The following AMPH variants were observed in gnomAD, a reference collection of about 807,000 sequenced individuals.
The protein encoded by AMPH is amphiphysin (Stiff-Mann syndrome with breast cancer 128kD autoantigen).
AMPH carries 49 observed loss-of-function variants against 99.1 expected under a neutral mutation model. That is an observed-to-expected ratio of 0.49 (90% CI 0.39 to 0.63). The LOEUF (loss-of-function observed/expected upper bound fraction) is 0.63. AMPH is among the 20% of genes least tolerant of loss of function. The pLI, the probability that AMPH is intolerant of heterozygous loss-of-function variation, is 0.00. For missense variants in AMPH, 759 were observed against 863.4 expected (o/e 0.88, Z 1.52); for synonymous variants, 314 against 317.3 (o/e 0.99, Z 0.11).
chr7:38,439,122 T>C (rs1227284774), intron 11 of AMPH, among the ~76,000 whole-genome samples: 1 of 152,208 alleles, frequency 6.6e-6, no homozygotes, highest in African/African-American at 2.4e-5. Flanking sequence ...CCTGCCACCA[T>C]TTAAGATGTG....
rs115666245 is a variant in AMPH, at chr7:38,452,802, C to T, written c.1017+8481G>A. Among the ~76,000 whole-genome samples, 862 of 152,282 alleles carry T rather than the reference C, an allele frequency of 5.7e-3. 11 individuals are homozygous for T. Among genetic ancestry groups the T allele is most frequent in the African/African-American group, 0.02 (813 of 41,564 alleles). On this transcript the variant is annotated intron_variant, in intron 11 of 20. Coordinates refer to ENST00000356264, the MANE Select transcript of AMPH (RefSeq NM_001635.4). ...ATTAGCAGCATTTTCCTCAGAAATG[C>T]AGATTCCTGACCTCATCCCAGACCT...
At chr7:38,391,697 A>C (rs758413817) in intron 19 of AMPH, 51 bp downstream of exon 19, 2 of 1,568,108 alleles carry the variant, frequency 1.3e-6, no homozygotes, top group South Asian at 1.2e-5. Context: ...GCTTGAGCAA[A>C]AGGGCCTTAA....
At chr7:38,625,613 A>G (rs1217229726) in intron 1 of AMPH, among the ~76,000 whole-genome samples, 1 of 152,250 alleles carries the variant, frequency 6.6e-6, no homozygotes, top group African/African-American at 2.4e-5. Flanking sequence ...CTAAACAGCA[A>G]CAGAAAAAAG....
At chr7:38,588,882 A>T (rs1792758154) in intron 1 of AMPH, among the ~76,000 whole-genome samples, 1 of 152,136 alleles carries the variant, frequency 6.6e-6, no homozygotes, top group African/African-American at 2.4e-5. Context: ...AATTAATTGA[A>T]TACTTAATGG....
chr7:38,427,668 A>C (rs1444131866), intron 14 of AMPH, among the ~76,000 whole-genome samples: 3 of 89,596 alleles, frequency 3.3e-5, no homozygotes, highest in African/African-American at 1.1e-4. Flanking sequence ...TTTTTTGGTC[A>C]ACCTATTTGT....
At position 38,432,190 on chromosome 7, in the gene AMPH, G is replaced by A. The variant is rs200697979; in HGVS notation, c.1157C>T (p.Thr386Met). Residue 386 changes from threonine (T) to methionine (M), a missense_variant and splice_region_variant, in exon 13 of 21, where the codon ACG becomes ATG. Coordinates refer to ENST00000356264, the MANE Select transcript of AMPH (RefSeq NM_001635.4). ...AAAACAGAGTTATTAGTGGCTTACC[G>A]TCCATAGGTCCCAGGGCAATGTCTG... ...MSQTLPWDLWTTSTDLVQPAS... is the reference protein window; with the variant it reads ...MSQTLPWDLWMTSTDLVQPAS... 213 of 1,612,102 alleles carry A rather than the reference G, an allele frequency of 1.3e-4. 1 individual carries two copies. The East Asian group carries it at 3.5e-3, about 26-fold the overall frequency.
chr7:38,573,242 A>G (rs1792115031), intron 1 of AMPH, among the ~76,000 whole-genome samples: 1 of 152,188 alleles, frequency 6.6e-6, no homozygotes, highest in African/African-American at 2.4e-5. Flanking sequence ...AAACTGGTTC[A>G]GCCTCAGTCC....
At chr7:38,591,579 G>A (rs372067407) in intron 1 of AMPH, among the ~76,000 whole-genome samples, 2 of 152,086 alleles carry the variant, frequency 1.3e-5, no homozygotes, top group African/African-American at 2.4e-5. Flanking sequence ...AAGCCACCAC[G>A]CCTGGCCCCA....
chr7:38,557,620 T>C (rs1791413669), intron 1 of AMPH, among the ~76,000 whole-genome samples: 2 of 152,162 alleles, frequency 1.3e-5, no homozygotes. Flanking sequence ...CTTTATAAGT[T>C]TCCCAGTCTC....
intron 1 of AMPH, among the ~76,000 whole-genome samples, chr7:38,556,188 G>T (rs748879274): frequency 6.6e-6 from 1 of 151,956 alleles, no homozygotes; most frequent in African/African-American, 2.4e-5. Flanking sequence ...GAAAAAGAAA[G>T]CTATTCAACA....
chr7:38,620,334 A>ATGTGTGTGTGTG (rs1235215214), intron 1 of AMPH, among the ~76,000 whole-genome samples: 1 of 86,212 alleles, frequency 1.2e-5, no homozygotes, highest in Non-Finnish European at 2.4e-5. Flanking sequence ...GGAGATATAT[A>ATGTGTGTGTGTG]TATGTGTGTG....
intron 1 of AMPH, among the ~76,000 whole-genome samples, chr7:38,546,174 C>T (rs571635597): frequency 1.1e-4 from 16 of 152,320 alleles, no homozygotes; most frequent in Admixed American, 1.0e-3. Flanking sequence ...GATGCTGCCC[C>T]TTCTGGCTAT....
chr7:38,463,336 C>T (rs1251985352), intron 9 of AMPH: 2 of 656,174 alleles, frequency 3.0e-6, no homozygotes, highest in East Asian at 3.1e-5. Flanking sequence ...TTTGTCTTCA[C>T]AGTAGCCATG....
chr7:38,523,123 GAA>G (rs1562805459), intron 2 of AMPH, among the ~76,000 whole-genome samples: 4 of 142,580 alleles, frequency 2.8e-5, no homozygotes, highest in African/African-American at 5.1e-5. Context: ...AAAAAAAAAA[GAA>G]GGTGGGGGAG....
intron 17 of AMPH, among the ~76,000 whole-genome samples, chr7:38,411,208 C>T (rs80184054): frequency 1.3e-5 from 2 of 152,252 alleles, no homozygotes; most frequent in African/African-American, 2.4e-5. Flanking sequence ...TCCTATTTCA[C>T]GGGACTGCTG....
At position 38,394,109 on chromosome 7, in the gene AMPH, C is replaced by T. The variant is rs759265550; in HGVS notation, c.1504G>A (p.Gly502Arg). 2.7e-5 allele frequency: 43 copies of T among 1,614,052 alleles called. No individual in the cohort carries two copies. The highest frequency in any genetic ancestry group is 6.7e-5 in the East Asian group (3 of 44,888). The stretch of plus-strand genomic sequence containing the variant: ...GCCTCCTCTAAACTTACTCCTTCCC[C>T]GGCAGGGACAGTGGCCTTCTCCGCC... ...AEAEKATVPA[G>R]EGVSLEEAKI... is the part of the protein sequence containing the mutation. The change falls in exon 18 of 21, where the codon GGG (glycine) becomes AGG (arginine). Residue 502 changes from glycine to arginine, a missense_variant. By Grantham distance (125) the Gly-to-Arg change is moderately radical (BLOSUM62 -2). This residue lies in a region of AMPH where 554 missense variants were observed against 575.6 expected (regional missense o/e 0.96). Coordinates refer to ENST00000356264, the MANE Select transcript of AMPH (RefSeq NM_001635.4).
chr7:38,515,654 G>A (rs529092803), intron 2 of AMPH, among the ~76,000 whole-genome samples: 13 of 152,296 alleles, frequency 8.5e-5, no homozygotes, highest in Admixed American at 6.5e-4. Flanking sequence ...TTGCTATAAA[G>A]ATACCTGCAA....
intron 7 of AMPH, among the ~76,000 whole-genome samples, chr7:38,472,906 T>A (rs988611836): frequency 6.6e-6 from 1 of 152,170 alleles, no homozygotes; most frequent in Non-Finnish European, 1.5e-5. Context: ...TACGAGACAC[T>A]CCAACAATTA....
chr7:38,631,152 T>A, intron 1 of AMPH, 131 bp downstream of exon 1: 1 of 794,694 alleles, frequency 1.3e-6, no homozygotes, highest in Non-Finnish European at 1.6e-6. Context: ...CGTCCCAGCG[T>A]CCCTGGCCCC....
Sources: gnomAD v4.1 joint callset for allele counts (sites outside exome capture counted in the v4.1 genomes callset) on GRCh38, gnomAD v4.1.1 for gene constraint, gnomAD v4.1.1 regional missense constraint, MANE v1.5 for transcripts, NCBI Gene and HGNC (gene_info 2026-07-23, HGNC 2026-07-21) for gene names.